The following ARHGAP10 variants were observed in gnomAD, a reference collection of about 807,000 sequenced individuals.
ARHGAP10 encodes rho GTPase-activating protein 10.
In ARHGAP10, 87 loss-of-function variants were observed where a neutral mutation model predicts 108.6. That is an observed-to-expected ratio of 0.80 (90% CI 0.67 to 0.96). ARHGAP10 has a LOEUF of 0.96. Among genes scored for constraint, ARHGAP10 ranks in the 40% least tolerant of loss-of-function variants. The probability of loss-of-function intolerance (pLI) is 0.00; values close to 1 mark genes in which losing one functional copy is unlikely to be tolerated. For synonymous variants in ARHGAP10, 347 were observed against 341.1 expected, an observed-to-expected ratio of 1.02 and a Z score of -0.19; for missense variants, 939 against 954.5, an observed-to-expected ratio of 0.98 and a Z score of 0.21.
intron 1 of ARHGAP10, among the ~76,000 whole-genome samples, chr4:147,799,052 C>T (rs186041558): frequency 6.0e-5 from 9 of 149,252 alleles, no homozygotes; most frequent in Admixed American, 6.0e-4. Context: ...TTTTTCTCTT[C>T]GAGATGGAGT....
rs114990426 is a variant in ARHGAP10 at position 147,968,729 on chromosome 4, T to C, written c.1716+1890T>C. ...CTTTGCTAATAACATTCCTGACTTC[T>C]GCCTCTAAGATGGGGAGCTTGAAAA... On this transcript the variant is annotated intron_variant, in intron 18 of 22. Coordinates refer to ENST00000336498, the MANE Select transcript of ARHGAP10 (RefSeq NM_024605.4). Among the ~76,000 whole-genome samples the C allele has an allele frequency of 5.8e-3, 886 of 152,362 alleles. 8 individuals are homozygous for C. Among genetic ancestry groups the C allele is most frequent in the African/African-American group, 0.021 (856 of 41,580 alleles).
chr4:147,790,591 A>T (rs1465026347), intron 1 of ARHGAP10, among the ~76,000 whole-genome samples: 5 of 152,220 alleles, frequency 3.3e-5, no homozygotes, highest in African/African-American at 1.2e-4. Context: ...GCAAATATTT[A>T]CTTGAGCACC....
At chr4:147,954,804 A>C (rs549415270) in intron 15 of ARHGAP10, among the ~76,000 whole-genome samples, 2 of 152,152 alleles carry the variant, frequency 1.3e-5, no homozygotes, top group African/African-American at 4.8e-5. Flanking sequence ...TAAAGTTGTC[A>C]TCAATTTTAT....
At chr4:147,785,770 C>T (rs1730866851) in intron 1 of ARHGAP10, among the ~76,000 whole-genome samples, 2 of 152,174 alleles carry the variant, frequency 1.3e-5, no homozygotes, top group Admixed American at 6.5e-5. Context: ...GCAATTATTT[C>T]ATATAAGGAA....
At chr4:147,879,815 G>T (rs1376480393) in intron 9 of ARHGAP10, among the ~76,000 whole-genome samples, 1 of 151,678 alleles carries the variant, frequency 6.6e-6, no homozygotes, top group Non-Finnish European at 1.5e-5. Context: ...ATATTTTTTA[G>T]GTGAACAATA....
chr4:147,923,929 A>G lies in ARHGAP10; in HGVS notation c.1228+10790A>G, dbSNP rs148047649. 2.2e-3 allele frequency among the ~76,000 whole-genome samples: 335 copies of G among 152,352 alleles called. 1 individual carries two copies. Among genetic ancestry groups the G allele is most frequent in the African/African-American group, 7.7e-3 (322 of 41,592 alleles). ...TTAAATTGCCAAGGGCAATGAAGAA[A>G]ATAAAGAACAGCTGTCCTCAGAAAA... On this transcript the variant is annotated intron_variant, in intron 13 of 22. Transcript: ENST00000336498.
At chr4:147,909,320 A>G (rs1332417714) in intron 11 of ARHGAP10, among the ~76,000 whole-genome samples, 2 of 152,160 alleles carry the variant, frequency 1.3e-5, no homozygotes, top group African/African-American at 2.4e-5. Context: ...GTTCACCAAC[A>G]CGGAAGCTTA....
At chr4:147,770,007 A>C (rs550302533) in intron 1 of ARHGAP10, among the ~76,000 whole-genome samples, 4 of 152,342 alleles carry the variant, frequency 2.6e-5, no homozygotes, top group African/African-American at 9.6e-5. Flanking sequence ...ATAAGGACCT[A>C]TGAAAAGCAA....
intron 10 of ARHGAP10, among the ~76,000 whole-genome samples, chr4:147,884,559 T>C (rs985515583): frequency 6.6e-6 from 1 of 152,222 alleles, no homozygotes; most frequent in African/African-American, 2.4e-5. Context: ...TTTACTTCCA[T>C]TGAGGCTCAC....
chr4:147,876,515 C>T (rs1392109515), intron 8 of ARHGAP10, among the ~76,000 whole-genome samples: 1 of 151,936 alleles, frequency 6.6e-6, no homozygotes, highest in Non-Finnish European at 1.5e-5. Context: ...ATGGCGTGAA[C>T]CTGGGAGGCG....
At chr4:147,999,680 C>T (rs193064003) in intron 18 of ARHGAP10, among the ~76,000 whole-genome samples, 29 of 152,304 alleles carry the variant, frequency 1.9e-4, no homozygotes, top group East Asian at 1.2e-3. Context: ...CTCTAACACT[C>T]ACCACATGGC....
intron 15 of ARHGAP10, among the ~76,000 whole-genome samples, chr4:147,949,818 A>C (rs1738527445): frequency 7.1e-6 from 1 of 141,256 alleles, no homozygotes; most frequent in African/African-American, 2.5e-5. Flanking sequence ...GTGGAAATCC[A>C]CCTTTTTGGC....
intron 16 of ARHGAP10, among the ~76,000 whole-genome samples, chr4:147,961,828 G>A (rs927068792): frequency 1.3e-5 from 2 of 152,104 alleles, no homozygotes; most frequent in Admixed American, 1.3e-4. Context: ...AGCCTTTGCA[G>A]ATTTCTTCTC....
intron 15 of ARHGAP10, among the ~76,000 whole-genome samples, chr4:147,951,496 A>G (rs1738598977): frequency 6.6e-6 from 1 of 151,254 alleles, no homozygotes; most frequent in African/African-American, 2.4e-5. Flanking sequence ...TCACTCATGC[A>G]TTAAATTTTA....
intron 3 of ARHGAP10, among the ~76,000 whole-genome samples, chr4:147,845,300 C>T (rs1018400109): frequency 2.0e-5 from 3 of 152,186 alleles, no homozygotes; most frequent in Non-Finnish European, 4.4e-5. Flanking sequence ...CTAGAATGTG[C>T]GCTTATATAT....
intron 4 of ARHGAP10, among the ~76,000 whole-genome samples, chr4:147,847,665 T>G (rs539744948): frequency 2.0e-5 from 3 of 152,314 alleles, no homozygotes; most frequent in Admixed American, 2.0e-4. Flanking sequence ...TTTCCTTCAA[T>G]TTAACAAAAA....
intron 16 of ARHGAP10, among the ~76,000 whole-genome samples, chr4:147,958,952 C>T (rs1738887197): frequency 6.6e-6 from 1 of 151,942 alleles, no homozygotes. Context: ...CAGTAAGCTC[C>T]TAATTCCCTG....
At chr4:148,019,906 T>C (rs1741500645) in intron 18 of ARHGAP10, among the ~76,000 whole-genome samples, 2 of 152,206 alleles carry the variant, frequency 1.3e-5, no homozygotes, top group African/African-American at 4.8e-5. Flanking sequence ...AGCTTAGCTT[T>C]CTGAAATGCT....
At chr4:147,765,294 A>G (rs900987199) in intron 1 of ARHGAP10, among the ~76,000 whole-genome samples, 3 of 142,736 alleles carry the variant, frequency 2.1e-5, no homozygotes, top group Non-Finnish European at 4.6e-5. Flanking sequence ...TAAAGTACAC[A>G]TTAGAACAGG....
Sources: allele counts gnomAD v4.1 joint callset (sites outside exome capture counted in the v4.1 genomes callset), GRCh38; gene constraint gnomAD v4.1.1; transcripts MANE v1.5; gene names NCBI Gene and HGNC (gene_info 2026-07-23, HGNC 2026-07-21).